Variants in FUT8 observed in about 807,000 individuals in gnomAD.
FUT8 encodes the protein fucosyltransferase 8.
Under a neutral mutation model 71.3 loss-of-function variants are expected in FUT8, and 29 were observed. The ratio of observed to expected loss-of-function variants is 0.41; its 90% CI spans 0.30 to 0.55. The LOEUF is 0.55. FUT8 is among the 20% of genes least tolerant of loss of function. FUT8 has a pLI of 0.34. For missense variants in FUT8, 544 were observed against 702.1 expected (o/e 0.77, Z 2.55); for synonymous variants, 254 against 239.3 (o/e 1.06, Z -0.57).
Position 65,483,272 on chromosome 14 carries a change from G to T in FUT8, c.-228+27554G>T, listed in dbSNP as rs2066359271. On this transcript the variant is annotated intron_variant, in intron 2 of 10. Transcript: ENST00000673929. The surrounding 1 kb of genome is among the most constrained non-coding windows in gnomAD (Gnocchi z 4.4). ...GCCCTGGGATGGTTTAGGGTCGGAGGAAGCTCTTGCCTTGGTGTTCTGTGT... is the reference window on the plus strand; with the variant it reads ...GCCCTGGGATGGTTTAGGGTCGGAGTAAGCTCTTGCCTTGGTGTTCTGTGT... 6.6e-6 allele frequency among the ~76,000 whole-genome samples: 1 copy of T among 152,194 alleles called. No individual in the cohort carries two copies. The highest frequency in any genetic ancestry group is 1.5e-5 in the Non-Finnish European group (1 of 68,028).
In FUT8 at chr14:65,743,017, C is replaced by T. The variant is rs547858233; in HGVS notation, c.*607C>T. 6 of 149,982 alleles carry T rather than the reference C, an allele frequency of 4.0e-5. No homozygotes were observed. The East Asian group carries it at 1.2e-3, about 30-fold the overall frequency. The allele number at this position is 149,982 out of a possible 1,614,324, so 9.3% of individuals were successfully genotyped here. A position where few individuals can be genotyped will look rare whatever the true frequency, so the allele number is the denominator to read the frequency against. ...CCTCATCATTAATAAGTGAAGAATACATCAGAAAATAAAATATTCACTCTC... is the reference window on the plus strand; with the variant it reads ...CCTCATCATTAATAAGTGAAGAATATATCAGAAAATAAAATATTCACTCTC... On this transcript the variant is annotated 3_prime_UTR_variant, in exon 11 of 11. Coordinates refer to ENST00000673929, the MANE Select transcript of FUT8 (RefSeq NM_001371533.1).
intron 10 of FUT8, 77 bp from the exon 11 acceptor site, chr14:65,742,016 T>A (rs554217367): frequency 8.0e-7 from 1 of 1,242,722 alleles, no homozygotes; most frequent in Admixed American, 2.0e-5. Context: ...GAGCCCATCC[T>A]TTTGGCCAAG....
intron 6 of FUT8, among the ~76,000 whole-genome samples, chr14:65,633,670 C>T (rs1405395980): frequency 5.9e-5 from 9 of 152,024 alleles, no homozygotes; most frequent in South Asian, 2.1e-4. Flanking sequence ...TGCCCGGCCA[C>T]GACCCCGTCT....
At chr14:65,626,679 C>G (rs1437169386) in intron 5 of FUT8, among the ~76,000 whole-genome samples, 1 of 152,074 alleles carries the variant, frequency 6.6e-6, no homozygotes, top group East Asian at 1.9e-4. Context: ...AATAGGTGTA[C>G]CTATTTATTG....
At chr14:65,558,122 G>A (rs751723703) in intron 2 of FUT8, among the ~76,000 whole-genome samples, 7 of 151,996 alleles carry the variant, frequency 4.6e-5, no homozygotes, top group Non-Finnish European at 1.0e-4. Flanking sequence ...CTTGAGGTCA[G>A]GAGTTCAAGA....
chr14:65,603,174 G>C lies in FUT8; in HGVS notation c.204-12804G>C, dbSNP rs1314970283. ...GATTTTTGTGTAAGGTGAGAGATGA[G>C]GTTTTATTCTGCTACATGTGGCTTG... is the stretch of plus-strand genomic sequence containing the variant. On this transcript the variant is annotated intron_variant, in intron 3 of 10. Transcript: ENST00000673929. This position sits in a 1 kb window ranked among gnomAD's most constrained non-coding sequence, Gnocchi z 4.5. 1.3e-5 allele frequency among the ~76,000 whole-genome samples: 2 copies of C among 151,820 alleles called. No homozygotes were observed. The highest frequency in any genetic ancestry group is 2.9e-5 in the Non-Finnish European group (2 of 67,880).
the FUT8 span, among the ~76,000 whole-genome samples, chr14:65,404,400 C>G: frequency 6.6e-6 from 1 of 151,344 alleles, no homozygotes; most frequent in Non-Finnish European, 1.5e-5. Flanking sequence ...TCTCGAACTC[C>G]TGACCTTGTG....
At chr14:65,466,618 C>T (rs972101590) in intron 2 of FUT8, among the ~76,000 whole-genome samples, 4 of 152,040 alleles carry the variant, frequency 2.6e-5, no homozygotes, top group East Asian at 1.9e-4. Flanking sequence ...GGTGTGCTGG[C>T]GCACGCCTGT....
chr14:65,707,786 T>C (rs1894622604), intron 7 of FUT8, among the ~76,000 whole-genome samples: 1 of 152,160 alleles, frequency 6.6e-6, no homozygotes, highest in Admixed American at 6.5e-5. Flanking sequence ...CCATAAATAC[T>C]TGGGTTTATT....
chr14:65,619,110 T>C (rs1038636856), intron 5 of FUT8, among the ~76,000 whole-genome samples: 1 of 152,174 alleles, frequency 6.6e-6, no homozygotes, highest in African/African-American at 2.4e-5. Context: ...TGGAGAATTA[T>C]CTGATGTGGA....
intron 1 of FUT8, among the ~76,000 whole-genome samples, chr14:65,439,989 TATGTAC>T (rs2065627556): frequency 7.2e-6 from 1 of 138,544 alleles, no homozygotes; most frequent in African/African-American, 2.6e-5. Flanking sequence ...TATATATATA[TATGTAC>T]ACACACACAG....
At chr14:65,578,454 C>G (rs1466692388) in intron 3 of FUT8, among the ~76,000 whole-genome samples, 3 of 152,128 alleles carry the variant, frequency 2.0e-5, no homozygotes, top group Non-Finnish European at 4.4e-5. Context: ...TCTTTTAATT[C>G]ATTTAGCTCA....
intron 1 of FUT8, among the ~76,000 whole-genome samples, chr14:65,452,320 C>G (rs1285766828): frequency 6.6e-6 from 1 of 152,136 alleles, no homozygotes; most frequent in Non-Finnish European, 1.5e-5. Flanking sequence ...CCTAAGACAA[C>G]TAAAGAATGG....
chr14:65,552,188 G>T (rs891789695), intron 2 of FUT8, among the ~76,000 whole-genome samples: 7 of 152,110 alleles, frequency 4.6e-5, no homozygotes, highest in Non-Finnish European at 1.0e-4. Flanking sequence ...TTCAGTTTCT[G>T]TTGAGTCACT....
intron 3 of FUT8, among the ~76,000 whole-genome samples, chr14:65,568,164 C>CA (rs1886295273): frequency 6.6e-6 from 1 of 151,438 alleles, no homozygotes; most frequent in Non-Finnish European, 1.5e-5. Flanking sequence ...TTTTTCAAAG[C>CA]ATGTGTTCAT....
intron 2 of FUT8, among the ~76,000 whole-genome samples, chr14:65,487,196 A>T (rs1237361636): frequency 1.3e-5 from 2 of 152,218 alleles, no homozygotes; most frequent in Non-Finnish European, 2.9e-5. Context: ...AGGAGTAGTT[A>T]GTCAAGGATA....
intron 2 of FUT8, among the ~76,000 whole-genome samples, chr14:65,513,720 A>T (rs897023100): frequency 6.7e-6 from 1 of 148,668 alleles, no homozygotes; most frequent in African/African-American, 2.5e-5. Flanking sequence ...GGAGGAAGGA[A>T]AAAGGAGAAA....
intron 2 of FUT8, among the ~76,000 whole-genome samples, chr14:65,502,147 G>T (rs2066655891): frequency 6.6e-6 from 1 of 152,080 alleles, no homozygotes; most frequent in Non-Finnish European, 1.5e-5. Flanking sequence ...CTGGCCTCGA[G>T]TGATTCACCC....
intron 2 of FUT8, among the ~76,000 whole-genome samples, chr14:65,543,377 T>C (rs1165114395): frequency 1.3e-5 from 2 of 152,196 alleles, no homozygotes; most frequent in African/African-American, 4.8e-5. Context: ...TTGGATAATA[T>C]GTATGGGCTT....
Sources: gnomAD v4.1 joint callset for allele counts (sites outside exome capture counted in the v4.1 genomes callset) on GRCh38, gnomAD v4.1.1 for gene constraint, Gnocchi (gnomAD v3.1) non-coding constraint, MANE v1.5 for transcripts, NCBI Gene and HGNC (gene_info 2026-07-23, HGNC 2026-07-21) for gene names.